The following CTDP1 variants were observed in gnomAD, a reference collection of about 807,000 sequenced individuals.
The protein encoded by CTDP1 is CTD phosphatase 1.
CTDP1 carries 47 observed loss-of-function variants against 91.8 expected under a neutral mutation model. The observed-to-expected ratio is 0.51, with a 90% CI of 0.41 to 0.65. The LOEUF (loss-of-function observed/expected upper bound fraction) is 0.65. Among genes scored for constraint, CTDP1 ranks in the 30% least tolerant of loss-of-function variants. The probability of loss-of-function intolerance (pLI) is 0.00; values close to 1 mark genes in which losing one functional copy is unlikely to be tolerated. For missense variants in CTDP1, 1,272 were observed against 1,373.7 expected (o/e 0.93, Z 1.17); for synonymous variants, 656 against 598.5 (o/e 1.10, Z -1.40).
At chr18:79,737,596 G>T (rs1204070599) in intron 12 of CTDP1, among the ~76,000 whole-genome samples, 1 of 152,050 alleles carries the variant, frequency 6.6e-6, no homozygotes, top group Non-Finnish European at 1.5e-5. Context: ...CGATGAACAG[G>T]CATGAAACCC....
chr18:79,743,901 T>C (rs1372169898), intron 12 of CTDP1, among the ~76,000 whole-genome samples: 1 of 152,238 alleles, frequency 6.6e-6, no homozygotes, highest in African/African-American at 2.4e-5. Context: ...CACTGGGAAC[T>C]GCTCAGGGCC....
At chr18:79,688,589 A>G (rs1029824399) in intron 1 of CTDP1, among the ~76,000 whole-genome samples, 2 of 150,104 alleles carry the variant, frequency 1.3e-5, no homozygotes, top group South Asian at 2.1e-4. Context: ...TAGTAGAGGC[A>G]GGGTTTTACC....
chr18:79,739,880 T>TCGGCGCTTGCTCC (rs1250877099), intron 12 of CTDP1, among the ~76,000 whole-genome samples: 22 of 3,604 alleles, frequency 6.1e-3, no homozygotes, highest in East Asian at 0.026. Context: ...CGGGTGGGAC[T>TCGGCGCTTGCTCC]CTCATACCCA....
chr18:79,716,344 C>T (rs778732876), intron 8 of CTDP1, among the ~76,000 whole-genome samples: 3 of 152,232 alleles, frequency 2.0e-5, no homozygotes, highest in Non-Finnish European at 4.4e-5. Context: ...TTTGAGGCCA[C>T]GGCTCTGGCA....
At chr18:79,692,711 C>T (rs113780600) in intron 1 of CTDP1, among the ~76,000 whole-genome samples, 2,865 of 151,692 alleles carry the variant, frequency 0.019, 97 homozygotes, top group African/African-American at 0.065. Flanking sequence ...TGGTGTCCTG[C>T]GTGGGGCAGA....
chr18:79,684,806 T>C (rs1309396749), intron 1 of CTDP1, among the ~76,000 whole-genome samples: 1 of 152,274 alleles, frequency 6.6e-6, no homozygotes, highest in African/African-American at 2.4e-5. Flanking sequence ...TGTATGTTTT[T>C]GTCGGGCTTC....
intron 12 of CTDP1, among the ~76,000 whole-genome samples, chr18:79,749,078 G>T (rs879885805): frequency 3.3e-5 from 5 of 152,246 alleles, no homozygotes; most frequent in Admixed American, 6.5e-5. Flanking sequence ...GGGTGTTTTT[G>T]TCGGCCTTGT....
chr18:79,732,173 A>C (rs936906193), intron 11 of CTDP1, among the ~76,000 whole-genome samples: 2 of 151,154 alleles, frequency 1.3e-5, no homozygotes, highest in African/African-American at 4.9e-5. Flanking sequence ...TGCTCCCAAA[A>C]TCACCAGACG....
chr18:79,694,617 G>A lies in CTDP1; in HGVS notation c.315-608G>A, dbSNP rs557129821. 1.4e-4 allele frequency among the ~76,000 whole-genome samples: 21 copies of A among 149,854 alleles called. 1 individual carries two copies. Among genetic ancestry groups the A allele is most frequent in the Middle Eastern group, 3.5e-3 (1 of 282 alleles). Reference sequence around the variant, plus strand: ...CAGGGTGGGGCGGTCGGAGCAGCCCGGCTGGGGTGGGAGTGTGGGGGCTGA... The same window carrying A: ...CAGGGTGGGGCGGTCGGAGCAGCCCAGCTGGGGTGGGAGTGTGGGGGCTGA... On this transcript the variant is annotated intron_variant, in intron 1 of 12. Transcript: ENST00000613122.
At chr18:79,698,837 G>A (rs1161430387) in intron 4 of CTDP1, among the ~76,000 whole-genome samples, 1 of 152,188 alleles carries the variant, frequency 6.6e-6, no homozygotes, top group Non-Finnish European at 1.5e-5. Context: ...ATGCACCACG[G>A]AGCCGGGCAT....
At chr18:79,733,527 A>G (rs1407608688) in intron 11 of CTDP1, among the ~76,000 whole-genome samples, 1 of 151,792 alleles carries the variant, frequency 6.6e-6, no homozygotes, top group Non-Finnish European at 1.5e-5. Context: ...CAGCTGCGTT[A>G]CCTCGTTCCT....
At chr18:79,745,358 G>A (rs1167946787) in intron 12 of CTDP1, among the ~76,000 whole-genome samples, 1 of 72,948 alleles carries the variant, frequency 1.4e-5, no homozygotes, top group African/African-American at 7.2e-5. Context: ...CGTCCCTCCC[G>A]TGCGCGTTCT....
At chr18:79,704,619 G>T in intron 4 of CTDP1, 148 bp from the exon 5 acceptor site, 1 of 1,014,020 alleles carries the variant, frequency 9.9e-7, no homozygotes, top group Non-Finnish European at 1.5e-6. Context: ...TGTGTCTTCA[G>T]GACGCCTGTC....
chr18:79,731,329 A>G (rs2086562383), intron 11 of CTDP1, among the ~76,000 whole-genome samples: 1 of 152,174 alleles, frequency 6.6e-6, no homozygotes, highest in Admixed American at 6.5e-5. Context: ...TGGTAGAGGA[A>G]GGGTCTCCAC....
chr18:79,752,082 T>C (rs1166604186), intron 12 of CTDP1, among the ~76,000 whole-genome samples: 1 of 152,236 alleles, frequency 6.6e-6, no homozygotes, highest in Non-Finnish European at 1.5e-5. Flanking sequence ...TGGCAGGACA[T>C]CAGGTGGTTG....
In CTDP1 at chr18:79,746,963, T is replaced by C. The variant is rs2086894981; in HGVS notation, c.2748-6689T>C. Among the ~76,000 whole-genome samples, 2 of 152,192 alleles carry C rather than the reference T, an allele frequency of 1.3e-5. 1 individual carries two copies. The highest frequency in any genetic ancestry group is 4.1e-4 in the South Asian group (2 of 4,836). On this transcript the variant is annotated intron_variant, in intron 12 of 12. Transcript: ENST00000613122. ...TGCCTAGGGGTGTTAAAGTGGTCCT[T>C]GGTGCACAGGGCTAAAGGCTCCTGG...
intron 4 of CTDP1, among the ~76,000 whole-genome samples, chr18:79,700,706 A>G (rs956269995): frequency 6.6e-6 from 1 of 152,226 alleles, no homozygotes; most frequent in Non-Finnish European, 1.5e-5. Context: ...TGATGAAACT[A>G]AACACGCTAA....
At chr18:79,708,672 G>GCAA (rs2086018172) in intron 5 of CTDP1, among the ~76,000 whole-genome samples, 1 of 152,232 alleles carries the variant, frequency 6.6e-6, no homozygotes, top group South Asian at 2.1e-4. Flanking sequence ...TTTGCTTCAT[G>GCAA]CATAACTAAC....
chr18:79,714,483 A>G lies in CTDP1; in HGVS notation c.1031-8A>G, dbSNP rs1052953522. ...TGCGGTAACTTTTCCTTTTGCATGC[A>G]TATTTAGTAAATCATTCTCGAGGCA... On this transcript the variant is annotated splice_region_variant and splice_polypyrimidine_tract_variant and intron_variant, in intron 7 of 12. Transcript: ENST00000613122. 4.3e-6 allele frequency: 7 copies of G among 1,613,066 alleles called. No homozygotes were observed. The highest frequency in any genetic ancestry group is 1.3e-5 in the African/African-American group (1 of 75,072).
Sources: allele counts gnomAD v4.1 joint callset (sites outside exome capture counted in the v4.1 genomes callset), GRCh38; gene constraint gnomAD v4.1.1; transcripts MANE v1.5; gene names NCBI Gene and HGNC (gene_info 2026-07-23, HGNC 2026-07-21).